CDC42BPG: variants seen among roughly 807,000 people sequenced by gnomAD.
The protein encoded by CDC42BPG is CDC42 binding protein kinase gamma, also known as serine/threonine-protein kinase MRCK gamma.
In CDC42BPG, 157 loss-of-function variants were observed where a neutral mutation model predicts 192.2. That is an observed-to-expected ratio of 0.82 (90% CI 0.72 to 0.93). CDC42BPG has a LOEUF of 0.93. CDC42BPG is among the 40% of genes least tolerant of loss of function. The pLI, the probability that CDC42BPG is intolerant of heterozygous loss-of-function variation, is 0.00. For synonymous variants in CDC42BPG, 981 were observed against 918.5 expected (o/e 1.07, Z -1.23); for missense variants, 1,992 against 2,122.1 (o/e 0.94, Z 1.20).
Position 64,827,600 on chromosome 11 carries a change from G to C in CDC42BPG, c.4077C>G (p.Leu1359=). 1.9e-6 allele frequency: 3 copies of C among 1,610,130 alleles called. No individual in the cohort carries two copies. The highest frequency in any genetic ancestry group is 2.5e-6 in the Non-Finnish European group (3 of 1,177,318). Reference sequence around the variant, plus strand: ...AGAGGAACAGGGAGCCCTCTGGATTGAGGGGCCGCACCTGAGGCAGCAGGC... The same window carrying C: ...AGAGGAACAGGGAGCCCTCTGGATTCAGGGGCCGCACCTGAGGCAGCAGGC... ...QTVPLKKVRP[L]NPEGSLFLYG... is the part of the protein sequence containing the mutation. Residue 1359 remains leucine, a synonymous_variant, in exon 32 of 37, where the codon CTC becomes CTG. Coordinates refer to ENST00000342711, the MANE Select transcript of CDC42BPG (RefSeq NM_017525.3).
chr11:64,833,083 C>T, intron 24 of CDC42BPG, 124 bp from the exon 25 acceptor site: 1 of 1,321,806 alleles, frequency 7.6e-7, no homozygotes, highest in Non-Finnish European at 1.0e-6. Flanking sequence ...GTCCCCAATT[C>T]CTCATCAAGT....
Position 64,829,710 on chromosome 11 carries a change from G to A in CDC42BPG, c.3728C>T (p.Ala1243Val). The A allele has an allele frequency of 1.2e-6, 2 of 1,610,674 alleles. No homozygotes were observed. Among genetic ancestry groups the A allele is most frequent in the Non-Finnish European group, 1.7e-6 (2 of 1,179,116 alleles). ...CAGCGGGTAGAGTGCAAAGCCACCG[G>A]CGGCGCCCACACATAGCCGGTCGCC... Reference protein sequence around the residue: ...LLGDRLCVGAAGGFALYPLLN... With the variant: ...LLGDRLCVGAVGGFALYPLLN... Residue 1243 changes from alanine to valine, a missense_variant, in exon 30 of 37, where the codon GCC (alanine) becomes GTC (valine). Physicochemically the swap from Ala to Val is moderately conservative, Grantham distance 64 (BLOSUM62 0). Around this residue, in one of 2 missense-constraint regions of CDC42BPG, gnomAD observed 1,656 missense variants for 1,844.3 expected, o/e 0.90. Transcript: ENST00000342711.
chr11:64,826,988 C>G (rs1168935301), intron 34 of CDC42BPG, 62 bp downstream of exon 34: 7 of 1,297,814 alleles, frequency 5.4e-6, no homozygotes, highest in Admixed American at 3.5e-5. Flanking sequence ...GAGCTCACCA[C>G]AGAGGCCGGT....
intron 3 of CDC42BPG, among the ~76,000 whole-genome samples, chr11:64,841,307 G>A (rs1186639493): frequency 6.6e-6 from 1 of 151,770 alleles, no homozygotes; most frequent in Admixed American, 6.6e-5. Flanking sequence ...ACAAAAATTA[G>A]CTGGGTGTGG....
chr11:64,831,689 G>A lies in CDC42BPG; in HGVS notation c.3120C>T (p.Thr1040=), dbSNP rs374743011. The change falls in exon 28 of 37, where the codon ACC becomes ACT. Residue 1040 remains threonine (T), a synonymous_variant. Coordinates refer to ENST00000342711, the MANE Select transcript of CDC42BPG (RefSeq NM_017525.3). ...CTGCCAGCAGCAGCACAGTGCACGTGGTGGGCGGCACTGCCAGCTGGGAGG... is the reference window on the plus strand; with the variant it reads ...CTGCCAGCAGCAGCACAGTGCACGTAGTGGGCGGCACTGCCAGCTGGGAGG... The part of the protein sequence containing the change: ...VTTSQLAVPP[T]TCTVLLLAES... 94 of 1,605,706 alleles carry A rather than the reference G, an allele frequency of 5.9e-5. No individual in the cohort carries two copies. Among genetic ancestry groups the A allele is most frequent in the Non-Finnish European group, 6.5e-5 (77 of 1,178,452 alleles).
chr11:64,839,542 T>C lies in CDC42BPG; in HGVS notation c.611A>G (p.Asp204Gly), dbSNP rs1322519976. The C allele has an allele frequency of 1.2e-6, 2 of 1,613,078 alleles. No individual in the cohort carries two copies. The highest frequency in any genetic ancestry group is 1.7e-6 in the Non-Finnish European group (2 of 1,179,950). ...AGCCAGGCGAATGTGCCCGTTCACA[T>C]CCAGCAGGACGTTGTCTGGCTTGAC... ...RDVKPDNVLL[D>G]VNGHIRLADF... The change falls in exon 6 of 37, where the codon GAT becomes GGT. Residue 204 changes from aspartate to glycine, a missense_variant. Physicochemically the swap from Asp to Gly is moderately conservative, Grantham distance 94 (BLOSUM62 -1). Around this residue, in one of 2 missense-constraint regions of CDC42BPG, gnomAD observed 1,656 missense variants for 1,844.3 expected, o/e 0.90. Coordinates refer to ENST00000342711, the MANE Select transcript of CDC42BPG (RefSeq NM_017525.3).
Position 64,829,987 on chromosome 11 carries a change from G to C in CDC42BPG, c.3451C>G (p.Arg1151Gly). ...SAGLLVVLCGRGPSVRLFALA... is the reference protein window; with the variant it reads ...SAGLLVVLCGGGPSVRLFALA... ...GCAAAGAGACGCACGCTGGGGCCGC[G>C]GCCACACAGCACGACCAGCAGGCCT... Residue 1151 changes from arginine to glycine, a missense_variant, in exon 30 of 37, where the codon CGC (arginine) becomes GGC (glycine). Around this residue, in one of 2 missense-constraint regions of CDC42BPG, gnomAD observed 1,656 missense variants for 1,844.3 expected, o/e 0.90. Transcript: ENST00000342711. 6.2e-6 allele frequency: 10 copies of C among 1,612,912 alleles called. No individual in the cohort carries two copies. Among genetic ancestry groups the C allele is most frequent in the Non-Finnish European group, 8.5e-6 (10 of 1,179,882 alleles).
Position 64,829,774 on chromosome 11 carries a change from G to T in CDC42BPG, c.3664C>A (p.Leu1222Met). 2 of 1,597,588 alleles carry T rather than the reference G, an allele frequency of 1.3e-6. No homozygotes were observed. The highest frequency in any genetic ancestry group is 2.2e-5 in the South Asian group (2 of 89,826). Reference sequence around the variant, plus strand: ...CTCTGCACAGTGGCAGGTGCCTGCAGCTCACGGATGCGGCGCTGCCAGGGC... The same window carrying T: ...CTCTGCACAGTGGCAGGTGCCTGCATCTCACGGATGCGGCGCTGCCAGGGC... ...PGPWQRRIRE[L>M]QAPATVQSLG... The change falls in exon 30 of 37, where the codon CTG (leucine) becomes ATG (methionine). Residue 1222 changes from leucine (L) to methionine (M), a missense_variant. Leu to Met is a conservative substitution (Grantham distance 15, BLOSUM62 2). Coordinates refer to ENST00000342711, the MANE Select transcript of CDC42BPG (RefSeq NM_017525.3).
At position 64,836,712 on chromosome 11, in the gene CDC42BPG, G is replaced by A. The variant is rs71539674; in HGVS notation, c.1384+27C>T. The A allele has an allele frequency of 5.0e-6, 4 of 797,308 alleles. No homozygotes were observed. The African/African-American group carries it at 5.6e-5, about 11-fold the overall frequency. 49.4% of individuals were successfully genotyped at this position (797,308 alleles called of 1,614,324 possible). ...CCCAGGTGGGACTCAGCCCTGGGGG[G>A]GGGGGGGGGGTGGGCGGAAGGGATA... On this transcript the variant is annotated intron_variant, in intron 11 of 36. Transcript: ENST00000342711.
chr11:64,842,276 C>T (rs1943315298), intron 1 of CDC42BPG, among the ~76,000 whole-genome samples: 1 of 152,192 alleles, frequency 6.6e-6, no homozygotes, highest in African/African-American at 2.4e-5. Context: ...CCCCACCTCA[C>T]AGTTCTTGGC....
intron 1 of CDC42BPG, among the ~76,000 whole-genome samples, chr11:64,843,457 G>A (rs1036570454): frequency 6.6e-6 from 1 of 152,082 alleles, no homozygotes; most frequent in African/African-American, 2.4e-5. Context: ...TTGGGGCTAG[G>A]GGACAACTCC....
Position 64,823,227 on chromosome 11 carries a change from C to T in CDC42BPG, c.*1246G>A, listed in dbSNP as rs969733840. Among the ~76,000 whole-genome samples the T allele has an allele frequency of 2.6e-5, 4 of 152,024 alleles. No homozygotes were observed. The highest frequency in any genetic ancestry group is 3.9e-4 in the East Asian group (2 of 5,170). ...TCAGCCTCCCGAGTAGCAGGGACTA[C>T]AGGCACCCGTCACCACGCCCGGCTA... On this transcript the variant is annotated 3_prime_UTR_variant, in exon 37 of 37. Coordinates refer to ENST00000342711, the MANE Select transcript of CDC42BPG (RefSeq NM_017525.3).
Position 64,826,653 on chromosome 11 carries a change from C to G in CDC42BPG, c.4513+18G>C, listed in dbSNP as rs1418497227. 6.3e-7 allele frequency: 1 copy of G among 1,583,012 alleles called. No homozygotes were observed. The highest frequency in any genetic ancestry group is 8.6e-7 in the Non-Finnish European group (1 of 1,164,014). ...GGGGTGGGGGGTGGCACACTGGAGG[C>G]TGAGGGGCTGCCCTTACTGGGGTCT... On this transcript the variant is annotated intron_variant, in intron 35 of 36. Transcript: ENST00000342711.
At chr11:64,837,619 G>A (rs952256822) in intron 9 of CDC42BPG, among the ~76,000 whole-genome samples, 2 of 152,158 alleles carry the variant, frequency 1.3e-5, no homozygotes, top group Non-Finnish European at 2.9e-5. Context: ...CCGCCACCAC[G>A]CCCGGCTAAT....
chr11:64,841,633 C>G lies in CDC42BPG; in HGVS notation c.336+17G>C, dbSNP rs371911288. The stretch of plus-strand genomic sequence containing the variant: ...CATTTGTAGGGTGCCCAAGGGCCCC[C>G]CAGACTCCACACTGACCTCAGCCCT... On this transcript the variant is annotated intron_variant, in intron 3 of 36. Transcript: ENST00000342711. 16 of 1,611,872 alleles carry G rather than the reference C, an allele frequency of 9.9e-6. No homozygotes were observed. Among genetic ancestry groups the G allele is most frequent in the Non-Finnish European group, 1.4e-5 (16 of 1,178,564 alleles).
chr11:64,841,558 C>A, intron 3 of CDC42BPG, 92 bp downstream of exon 3: 1 of 1,020,448 alleles, frequency 9.8e-7, no homozygotes. Flanking sequence ...TGCAGCCTTG[C>A]CCGCCCCCCC....
chr11:64,831,207 G>C (rs1004639238), intron 28 of CDC42BPG, among the ~76,000 whole-genome samples: 1 of 146,312 alleles, frequency 6.8e-6, no homozygotes, highest in Non-Finnish European at 1.5e-5. Flanking sequence ...GACCGAGCGA[G>C]ACTCTGTCTC....
At chr11:64,825,476 G>T (rs1027204111) in intron 36 of CDC42BPG, among the ~76,000 whole-genome samples, 5 of 152,148 alleles carry the variant, frequency 3.3e-5, no homozygotes, top group African/African-American at 1.2e-4. Flanking sequence ...AGATGATCCT[G>T]GTGGGTCACC....
At position 64,826,572 on chromosome 11, in the gene CDC42BPG, C is replaced by T. The variant is rs1285177535; in HGVS notation, c.4514-17G>A. On this transcript the variant is annotated splice_polypyrimidine_tract_variant and intron_variant, in intron 35 of 36. Coordinates refer to ENST00000342711, the MANE Select transcript of CDC42BPG (RefSeq NM_017525.3). ...TCCTCTTCACTGCTCCAGCAGCAGACGAGGAGACAAAAATACCAAGATCAG... is the reference window on the plus strand; with the variant it reads ...TCCTCTTCACTGCTCCAGCAGCAGATGAGGAGACAAAAATACCAAGATCAG... The T allele has an allele frequency of 3.1e-6, 5 of 1,593,056 alleles. No homozygotes were observed. The highest frequency in any genetic ancestry group is 2.3e-5 in the East Asian group (1 of 44,278).
Sources: allele counts gnomAD v4.1 joint callset (sites outside exome capture counted in the v4.1 genomes callset), GRCh38; gene constraint gnomAD v4.1.1; regional missense constraint gnomAD v4.1.1; transcripts MANE v1.5; gene names NCBI Gene and HGNC (gene_info 2026-07-23, HGNC 2026-07-21).